Variants in TNKS observed in about 807,000 individuals in gnomAD.
TNKS encodes tankyrase, also known as poly [ADP-ribose] polymerase tankyrase-1.
Under a neutral mutation model 135.8 loss-of-function variants are expected in TNKS, and 72 were observed. The observed-to-expected ratio is 0.53, with a 90% CI of 0.44 to 0.64. The LOEUF (loss-of-function observed/expected upper bound fraction) is 0.64, where lower values mean the gene tolerates loss of function less well. Among genes scored for constraint, TNKS ranks in the 30% least tolerant of loss-of-function variants. The pLI, the probability that TNKS is intolerant of heterozygous loss-of-function variation, is 0.00. For missense variants in TNKS, 1,769 were observed against 1,674.0 expected (o/e 1.06, Z -0.99); for synonymous variants, 849 against 649.3 (o/e 1.31, Z -4.68).
chr8:9,583,979 A>G (rs981047849), intron 2 of TNKS, among the ~76,000 whole-genome samples: 4 of 151,622 alleles, frequency 2.6e-5, no homozygotes, highest in African/African-American at 9.7e-5. Flanking sequence ...CCTGGCTAAC[A>G]CAGTGAAACA....
Position 9,697,464 on chromosome 8 carries a change from A to C in TNKS, c.1108-7199A>C, listed in dbSNP as rs183041127. 1.1e-3 allele frequency among the ~76,000 whole-genome samples: 174 copies of C among 152,292 alleles called. 1 individual carries two copies. The highest frequency in any genetic ancestry group is 4.1e-3 in the African/African-American group (170 of 41,558). On this transcript the variant is annotated intron_variant, in intron 5 of 26. Transcript: ENST00000310430. ...AAACTGACAAGTGGGACCTAATTAA[A>C]GAGCTTCTGCACAGCAAAAGAAACT...
chr8:9,746,926 A>C (rs1585409977), intron 17 of TNKS, among the ~76,000 whole-genome samples: 2 of 139,344 alleles, frequency 1.4e-5, no homozygotes, highest in Non-Finnish European at 1.5e-5. Flanking sequence ...TCTGGTAACC[A>C]GGCTGCGGTG....
At chr8:9,760,693 C>G (rs891607107) in intron 20 of TNKS, among the ~76,000 whole-genome samples, 3 of 152,086 alleles carry the variant, frequency 2.0e-5, no homozygotes, top group African/African-American at 7.2e-5. Context: ...AGAATGTAGC[C>G]ACTGGGTGGT....
chr8:9,654,854 C>G (rs1165862013), intron 3 of TNKS, among the ~76,000 whole-genome samples: 1 of 152,234 alleles, frequency 6.6e-6, no homozygotes, highest in South Asian at 2.1e-4. Flanking sequence ...GCATTTCCAA[C>G]TGAGGTACCG....
intron 18 of TNKS, among the ~76,000 whole-genome samples, chr8:9,749,809 A>G (rs1242529142): frequency 6.6e-6 from 1 of 152,086 alleles, no homozygotes; most frequent in East Asian, 1.9e-4. Flanking sequence ...ATGCCCTCTG[A>G]ATTATCCTTC....
intron 26 of TNKS, among the ~76,000 whole-genome samples, chr8:9,775,464 T>G (rs1356864885): frequency 1.9e-4 from 1 of 5,294 alleles, no homozygotes; most frequent in Non-Finnish European, 3.9e-4. Context: ...TGGTTCTATA[T>G]ATATATATAT....
intron 2 of TNKS, among the ~76,000 whole-genome samples, chr8:9,593,280 A>T (rs1361709133): frequency 2.6e-5 from 4 of 152,208 alleles, no homozygotes; most frequent in African/African-American, 7.2e-5. Flanking sequence ...GATGATTCAG[A>T]TTACCTACCA....
chr8:9,597,505 A>T (rs1359425204), intron 2 of TNKS, among the ~76,000 whole-genome samples: 2 of 152,204 alleles, frequency 1.3e-5, no homozygotes, highest in African/African-American at 2.4e-5. Context: ...TTGATAAGAC[A>T]TGAAGCTCTT....
chr8:9,735,435 T>C lies in TNKS; in HGVS notation c.2592T>C (p.Asn864=). Residue 864 remains asparagine, a synonymous_variant, in exon 17 of 27, where the codon AAT becomes AAC. Coordinates refer to ENST00000310430, the MANE Select transcript of TNKS (RefSeq NM_003747.3). Reference sequence around the variant, plus strand: ...TTCTAGAGCATGGAGCTGATGTTAATGCCCAGGACAAGGGTGGTTTAATTC... The same window carrying C: ...TTCTAGAGCATGGAGCTGATGTTAACGCCCAGGACAAGGGTGGTTTAATTC... ...EYLLEHGADV[N]AQDKGGLIPL... The C allele has an allele frequency of 1.2e-6, 2 of 1,614,148 alleles. No homozygotes were observed. Among genetic ancestry groups the C allele is most frequent in the South Asian group, 1.1e-5 (1 of 91,082 alleles).
chr8:9,719,074 C>G (rs1245335787), intron 11 of TNKS, among the ~76,000 whole-genome samples: 1 of 152,144 alleles, frequency 6.6e-6, no homozygotes, highest in East Asian at 1.9e-4. Flanking sequence ...CTTGTGTTAT[C>G]CATTGATACA....
rs1001468568 is a variant in TNKS, at chr8:9,720,466, C to G, written c.1842C>G (p.Gly614=). Residue 614 remains glycine (G), a synonymous_variant, in exon 12 of 27, where the codon GGC becomes GGG. Transcript: ENST00000310430. ...CCTGCCGCCTCCTGCTGAGTTACGG[C>G]TCTGACCCCTCCATCATCTCCTTAC... The part of the protein sequence containing the change: ...LQTCRLLLSY[G]SDPSIISLQG... 2 of 1,614,168 alleles carry G rather than the reference C, an allele frequency of 1.2e-6. No homozygotes were observed. The highest frequency in any genetic ancestry group is 2.2e-5 in the South Asian group (2 of 91,082).
chr8:9,650,002 C>G (rs1218866961), intron 3 of TNKS, among the ~76,000 whole-genome samples: 1 of 149,946 alleles, frequency 6.7e-6, no homozygotes, highest in Non-Finnish European at 1.5e-5. Flanking sequence ...AAGCAGTTCT[C>G]CTTCCTCAGC....
Position 9,777,684 on chromosome 8 carries a change from C to G in TNKS, c.*948C>G, listed in dbSNP as rs1012400410. ...CTGTATCATGGCAGCCCCAATGGAT[C>G]CAGGGGATGCCTCCAAAAAATACAT... On this transcript the variant is annotated 3_prime_UTR_variant, in exon 27 of 27. Coordinates refer to ENST00000310430, the MANE Select transcript of TNKS (RefSeq NM_003747.3). 6.6e-6 allele frequency: 1 copy of G among 152,102 alleles called. No individual in the cohort carries two copies. Among genetic ancestry groups the G allele is most frequent in the Admixed American group, 6.5e-5 (1 of 15,274 alleles). 9.4% of individuals were successfully genotyped at this position (152,102 alleles called of 1,614,324 possible). A position where few individuals can be genotyped will look rare whatever the true frequency, so the allele number is the denominator to read the frequency against.
At chr8:9,619,842 CA>C (rs1275738225) in intron 3 of TNKS, among the ~76,000 whole-genome samples, 1 of 150,864 alleles carries the variant, frequency 6.6e-6, no homozygotes, top group Non-Finnish European at 1.5e-5. Flanking sequence ...CAGATAAGAC[CA>C]ACATCTTTAG....
At chr8:9,685,330 T>C (rs1802943854) in intron 5 of TNKS, among the ~76,000 whole-genome samples, 1 of 152,178 alleles carries the variant, frequency 6.6e-6, no homozygotes, top group Admixed American at 6.5e-5. Context: ...CTAGAGTTTT[T>C]AATTTACTCA....
intron 19 of TNKS, among the ~76,000 whole-genome samples, 183 bp downstream of exon 19, chr8:9,752,029 G>C (rs184124716): frequency 1.3e-5 from 2 of 152,054 alleles, no homozygotes; most frequent in Admixed American, 6.5e-5. Context: ...TGGCATTGTC[G>C]TTGTTCTTAT....
intron 20 of TNKS, among the ~76,000 whole-genome samples, chr8:9,757,647 A>G (rs1272951474): frequency 6.6e-6 from 1 of 152,144 alleles, no homozygotes; most frequent in East Asian, 1.9e-4. Flanking sequence ...GGGATTGTCC[A>G]AGACATTGAC....
At chr8:9,772,854 T>TA (rs1808010061) in intron 26 of TNKS, among the ~76,000 whole-genome samples, 1 of 139,688 alleles carries the variant, frequency 7.2e-6, no homozygotes, top group African/African-American at 2.7e-5. Context: ...TGTGTGTGTG[T>TA]GTGTGTAGTG....
chr8:9,730,479 G>C (rs913093769), intron 13 of TNKS, among the ~76,000 whole-genome samples: 2 of 152,100 alleles, frequency 1.3e-5, no homozygotes, highest in Non-Finnish European at 2.9e-5. Flanking sequence ...ATTAGAGACG[G>C]CAAGAGCTCT....
Sources: gnomAD v4.1 joint callset for allele counts (sites outside exome capture counted in the v4.1 genomes callset) on GRCh38, gnomAD v4.1.1 for gene constraint, MANE v1.5 for transcripts, NCBI Gene and HGNC (gene_info 2026-07-23, HGNC 2026-07-21) for gene names.